PRSS38: variants seen among roughly 807,000 people sequenced by gnomAD.
PRSS38 encodes serine protease 38.
A neutral mutation model predicts 26.8 loss-of-function variants in PRSS38; 22 were observed. The ratio of observed to expected loss-of-function variants is 0.82; its 90% CI spans 0.59 to 1.17. The LOEUF (loss-of-function observed/expected upper bound fraction) is 1.17. PRSS38 is among the 50% of genes most tolerant of loss of function. PRSS38 has a pLI of 0.00. For missense variants in PRSS38, 427 were observed against 422.7 expected, an observed-to-expected ratio of 1.01 and a Z score of -0.09; for synonymous variants, 175 against 172.1, an observed-to-expected ratio of 1.02 and a Z score of -0.13.
At chr1:227,841,033 A>G (rs575127290) in intron 3 of PRSS38, among the ~76,000 whole-genome samples, 1 of 152,338 alleles carries the variant, frequency 6.6e-6, no homozygotes, top group South Asian at 2.1e-4. Flanking sequence ...CCATTTCTGT[A>G]TCATTTTATC....
At chr1:227,815,688 C>A, upstream of PRSS38, 1 of 1,547,180 alleles carries the variant, frequency 6.5e-7, no homozygotes, top group South Asian at 1.2e-5. Flanking sequence ...GGGAGCTAGT[C>A]ACCCGCTGGG....
Position 227,817,569 on chromosome 1 carries a change from A to G in PRSS38, c.583+89A>G. 2.9e-6 allele frequency: 4 copies of G among 1,391,172 alleles called. No individual in the cohort carries two copies. In the Admixed American group the frequency reaches 5.9e-5, roughly 21 times the overall value. The allele number at this position is 1,391,172 out of a possible 1,614,324, so 86.2% of individuals were successfully genotyped here. On this transcript the variant is annotated intron_variant, in intron 3 of 4. Transcript: ENST00000366757. ...AATGCTCTGCCAGCTAAGGGGGTCC[A>G]GGTGTTTGGGGACTGGAATCCCCAC... is the stretch of plus-strand genomic sequence containing the variant.
chr1:227,833,577 T>C (rs1392479934), intron 3 of PRSS38, among the ~76,000 whole-genome samples: 1 of 151,530 alleles, frequency 6.6e-6, no homozygotes, highest in East Asian at 1.9e-4. Context: ...TTTCAAAATA[T>C]ACCATGAAGC....
Position 227,816,010 on chromosome 1 carries a change from C to G in PRSS38, c.149-80C>G, listed in dbSNP as rs1664906837. 6 of 1,530,064 alleles carry G rather than the reference C, an allele frequency of 3.9e-6. No individual in the cohort carries two copies. Among genetic ancestry groups the G allele is most frequent in the Non-Finnish European group, 4.5e-6 (5 of 1,122,642 alleles). The allele number at this position is 1,530,064 out of a possible 1,614,324, so 94.8% of individuals were successfully genotyped here. A position where few individuals can be genotyped will look rare whatever the true frequency, so the allele number is the denominator to read the frequency against. On this transcript the variant is annotated intron_variant, in intron 1 of 4. Transcript: ENST00000366757. The surrounding 1 kb of genome is among the most constrained non-coding windows in gnomAD (Gnocchi z 5.1). The stretch of plus-strand genomic sequence containing the variant: ...CTTCCCTTCCTCCTGTGTCCCCTGC[C>G]CCTCCCCCACGTCCCCTGCCTGCCC...
intron 3 of PRSS38, among the ~76,000 whole-genome samples, chr1:227,834,288 C>T (rs1483662052): frequency 6.6e-6 from 1 of 152,042 alleles, no homozygotes; most frequent in African/African-American, 2.4e-5. Flanking sequence ...TGACAGCAGC[C>T]CTAGGAAACA....
intron 3 of PRSS38, among the ~76,000 whole-genome samples, chr1:227,819,866 G>A (rs535066325): frequency 1.4e-4 from 21 of 152,144 alleles, no homozygotes; most frequent in Middle Eastern, 3.4e-3. Context: ...CAAGGCGGGC[G>A]GTTCACAAGG....
Position 227,825,470 on chromosome 1 carries a change from G to A in PRSS38, c.583+7990G>A, listed in dbSNP as rs147618152. Among the ~76,000 whole-genome samples, 1,347 of 152,292 alleles carry A rather than the reference G, an allele frequency of 8.8e-3. 16 individuals are homozygous for A. Among genetic ancestry groups the A allele is most frequent in the African/African-American group, 0.031 (1,286 of 41,552 alleles). ...CTCCCAAAGTGCTGTGATTACAGGC[G>A]TAAGCCACCGCGTCTGGCCTCTAGG... On this transcript the variant is annotated intron_variant, in intron 3 of 4. Coordinates refer to ENST00000366757, the Ensembl canonical transcript of PRSS38.
At chr1:227,840,753 C>A (rs993481576) in intron 3 of PRSS38, among the ~76,000 whole-genome samples, 1 of 152,164 alleles carries the variant, frequency 6.6e-6, no homozygotes, top group African/African-American at 2.4e-5. Flanking sequence ...AGTGCCTTAT[C>A]CTCAGCTAGA....
intron 3 of PRSS38, among the ~76,000 whole-genome samples, chr1:227,831,170 T>C (rs1185378055): frequency 6.6e-6 from 1 of 152,206 alleles, no homozygotes; most frequent in East Asian, 1.9e-4. Flanking sequence ...TTTAAAGCTA[T>C]AAATTTCCCT....
chr1:227,822,118 G>T, intron 3 of PRSS38, among the ~76,000 whole-genome samples: 1 of 151,816 alleles, frequency 6.6e-6, no homozygotes, highest in Admixed American at 6.6e-5. Flanking sequence ...TGTCTGCTTT[G>T]CCCCTTTAGT....
rs547483831 is a variant in PRSS38, at chr1:227,816,928, T to A, written c.312-281T>A. Among the ~76,000 whole-genome samples, 42 of 152,344 alleles carry A rather than the reference T, an allele frequency of 2.8e-4. No homozygotes were observed. Among genetic ancestry groups the A allele is most frequent in the Middle Eastern group, 3.4e-3 (1 of 294 alleles). The stretch of plus-strand genomic sequence containing the variant: ...TCCAGAGGGATGTGTGCAACCAGGT[T>A]GTCAGTAAGAGTCAGAGCAGGTCTC... On this transcript the variant is annotated intron_variant, in intron 2 of 4. Coordinates refer to ENST00000366757, the Ensembl canonical transcript of PRSS38. This position sits in a 1 kb window ranked among gnomAD's most constrained non-coding sequence, Gnocchi z 5.1.
chr1:227,841,130 G>A (rs1418099011), intron 3 of PRSS38, among the ~76,000 whole-genome samples: 2 of 152,222 alleles, frequency 1.3e-5, no homozygotes, highest in Non-Finnish European at 2.9e-5. Context: ...GCAGTTGTGG[G>A]TCGGTGATGT....
At chr1:227,833,717 A>G (rs1256141885) in intron 3 of PRSS38, among the ~76,000 whole-genome samples, 2 of 152,220 alleles carry the variant, frequency 1.3e-5, no homozygotes, top group Admixed American at 1.3e-4. Context: ...TGGGGAAGGA[A>G]CAGTCTGTTC....
At chr1:227,831,895 T>G (rs1665158552) in intron 3 of PRSS38, among the ~76,000 whole-genome samples, 1 of 152,120 alleles carries the variant, frequency 6.6e-6, no homozygotes, top group South Asian at 2.1e-4. Context: ...TTATTTAGAG[T>G]AGAGTACTAA....
chr1:227,844,896 CGGTCAGGGCTCCTCCCTATGT>C (rs1665397501), intron 3 of PRSS38, among the ~76,000 whole-genome samples: 2 of 82,186 alleles, frequency 2.4e-5, no homozygotes, highest in African/African-American at 4.7e-5. Flanking sequence ...TCCCTATGTA[CGGTCAGGGCTCCTCCCTATGT>C]GTGGTGGGAC....
In PRSS38 at chr1:227,816,319, G is replaced by C. The variant is rs1558231054; in HGVS notation, c.311+67G>C. 5 of 1,504,418 alleles carry C rather than the reference G, an allele frequency of 3.3e-6. No homozygotes were observed. Among genetic ancestry groups the C allele is most frequent in the Non-Finnish European group, 3.6e-6 (4 of 1,102,000 alleles). 93.2% of individuals were successfully genotyped at this position (1,504,418 alleles called of 1,614,324 possible). A position where few individuals can be genotyped will look rare whatever the true frequency, so the allele number is the denominator to read the frequency against. On this transcript the variant is annotated intron_variant, in intron 2 of 4. Transcript: ENST00000366757. This position sits in a 1 kb window ranked among gnomAD's most constrained non-coding sequence, Gnocchi z 5.1. ...TGCACGGAGTGCCCACAGCGGCTTGGATGGACCCCACGCAAGCCTCCCCCA... is the reference window on the plus strand; with the variant it reads ...TGCACGGAGTGCCCACAGCGGCTTGCATGGACCCCACGCAAGCCTCCCCCA...
At chr1:227,844,775 C>T (rs928030786) in intron 3 of PRSS38, among the ~76,000 whole-genome samples, 1 of 147,830 alleles carries the variant, frequency 6.8e-6, no homozygotes, top group Admixed American at 6.7e-5. Flanking sequence ...TGGGGATCCT[C>T]CCTCTGAGTG....
intron 3 of PRSS38, among the ~76,000 whole-genome samples, chr1:227,820,779 A>G (rs1348139759): frequency 6.6e-6 from 1 of 152,024 alleles, no homozygotes; most frequent in Admixed American, 6.6e-5. Context: ...TTTTTGGTGG[A>G]GTGTGATAAA....
chr1:227,834,178 A>C (rs1459060064), intron 3 of PRSS38, among the ~76,000 whole-genome samples: 1 of 152,148 alleles, frequency 6.6e-6, no homozygotes, highest in African/African-American at 2.4e-5. Flanking sequence ...CCTGAGAGGG[A>C]GCCTGGCCCT....
Sources: gnomAD v4.1 joint callset for allele counts (sites outside exome capture counted in the v4.1 genomes callset) on GRCh38, gnomAD v4.1.1 for gene constraint, Gnocchi (gnomAD v3.1) non-coding constraint, MANE v1.5 for transcripts, NCBI Gene and HGNC (gene_info 2026-07-23, HGNC 2026-07-21) for gene names.